Variants in ATP2C2 observed in about 807,000 individuals in gnomAD.
ATP2C2 encodes ATPase secretory pathway Ca2+ transporting 2, also known as calcium-transporting ATPase type 2C member 2.
ATP2C2 carries 171 observed loss-of-function variants against 110.8 expected under a neutral mutation model. The ratio of observed to expected loss-of-function variants is 1.54; its 90% CI spans 1.36 to 1.75. The LOEUF is 1.75. Among genes scored for constraint, ATP2C2 ranks in the 40% most tolerant of loss-of-function variants. The pLI is 0.00. For missense variants in ATP2C2, 1,963 were observed against 1,235.0 expected, an observed-to-expected ratio of 1.59 and a Z score of -8.84; for synonymous variants, 804 against 508.4, an observed-to-expected ratio of 1.58 and a Z score of -7.82.
At chr16:84,370,221 G>C (rs2151391430) in intron 1 of ATP2C2, among the ~76,000 whole-genome samples, 1 of 152,278 alleles carries the variant, frequency 6.6e-6, no homozygotes, top group Non-Finnish European at 1.5e-5. Context: ...CCAAAGCTTT[G>C]CAGGAGAGTT....
intron 6 of ATP2C2, chr16:84,410,966 C>A: frequency 1.7e-6 from 1 of 603,698 alleles, no homozygotes. Flanking sequence ...CTCTCTGGGC[C>A]TCAGCTCCAT....
At position 84,462,499 on chromosome 16, in the gene ATP2C2, C is replaced by T. The variant is rs138917075; in HGVS notation, c.2722+370C>T. The T allele has an allele frequency of 2.5e-3, 483 of 192,756 alleles. 2 individuals carry two copies. Among genetic ancestry groups the T allele is most frequent in the African/African-American group, 0.01 (453 of 43,354 alleles). 11.9% of individuals were successfully genotyped at this position (192,756 alleles called of 1,614,324 possible). On this transcript the variant is annotated intron_variant, in intron 26 of 26. Coordinates refer to ENST00000262429, the MANE Select transcript of ATP2C2 (RefSeq NM_014861.4). ...GGGGAGCCTGGACTTGACCCTGGGG[C>T]CAGTAATGTGACTTAGAGATCTGGT... is the stretch of plus-strand genomic sequence containing the variant.
chr16:84,391,356 G>C (rs1359690685), intron 1 of ATP2C2, among the ~76,000 whole-genome samples: 1 of 152,188 alleles, frequency 6.6e-6, no homozygotes, highest in Non-Finnish European at 1.5e-5. Context: ...CGCATCTTCT[G>C]TGGACGCACA....
intron 16 of ATP2C2, 62 bp from the exon 17 acceptor site, chr16:84,448,471 G>T (rs1247491131): frequency 6.5e-7 from 1 of 1,536,858 alleles, no homozygotes; most frequent in East Asian, 2.3e-5. Flanking sequence ...AGAGTGGGGT[G>T]ATGGTCAGTA....
intron 21 of ATP2C2, 128 bp downstream of exon 21, chr16:84,455,112 G>A (rs1215424762): frequency 3.2e-6 from 4 of 1,258,208 alleles, no homozygotes; most frequent in Non-Finnish European, 4.4e-6. Flanking sequence ...CTGAATCTCG[G>A]GGCTCGTCAG....
chr16:84,460,663 A>G lies in ATP2C2; in HGVS notation c.2343A>G (p.Val781=). ...MDGPPAQSLG[V]EPVDKDAFRQ... is the part of the protein sequence containing the mutation. ...GTCTTGTTCGGAGCAGCTTGGGGGT[A>G]GAGCCCGTTGACAAAGACGCCTTCA... The change falls in exon 24 of 27, where the codon GTA becomes GTG. Residue 781 remains valine (V), a synonymous_variant. Transcript: ENST00000262429. 3.1e-6 allele frequency: 5 copies of G among 1,614,238 alleles called. No individual in the cohort carries two copies. The highest frequency in any genetic ancestry group is 3.4e-6 in the Non-Finnish European group (4 of 1,180,036).
chr16:84,381,523 G>A (rs1235185664), intron 1 of ATP2C2, among the ~76,000 whole-genome samples: 4 of 152,058 alleles, frequency 2.6e-5, no homozygotes, highest in Admixed American at 2.6e-4. Flanking sequence ...GTTGCAGTGA[G>A]CCGAGATCAT....
At chr16:84,421,322 G>A (rs1455275040) in intron 7 of ATP2C2, among the ~76,000 whole-genome samples, 6 of 152,356 alleles carry the variant, frequency 3.9e-5, no homozygotes, top group Admixed American at 1.3e-4. Context: ...GTGGGGAGAC[G>A]GGCATTACCT....
intron 1 of ATP2C2, among the ~76,000 whole-genome samples, chr16:84,388,734 G>C (rs867148261): frequency 1.3e-5 from 2 of 152,052 alleles, no homozygotes. Context: ...CAATAATTAC[G>C]TGCCCTATAT....
At chr16:84,379,213 A>C (rs1910431355) in intron 1 of ATP2C2, among the ~76,000 whole-genome samples, 1 of 127,216 alleles carries the variant, frequency 7.9e-6, no homozygotes, top group African/African-American at 3.1e-5. Context: ...ATAGGGTCTT[A>C]CTCTGCCATC....
Position 84,389,974 on chromosome 16 carries a change from C to T in ATP2C2, c.100-8525C>T, listed in dbSNP as rs369358108. On this transcript the variant is annotated intron_variant, in intron 1 of 26. Coordinates refer to ENST00000262429, the MANE Select transcript of ATP2C2 (RefSeq NM_014861.4). Reference sequence around the variant, plus strand: ...CTGACCTCTAATGATCCACCCACCTCAGTCTCCCAAAGTGCTGGGATTACA... The same window carrying T: ...CTGACCTCTAATGATCCACCCACCTTAGTCTCCCAAAGTGCTGGGATTACA... Among the ~76,000 whole-genome samples the T allele has an allele frequency of 1.2e-4, 19 of 152,218 alleles. No individual in the cohort carries two copies. In the East Asian group the frequency reaches 3.7e-3, roughly 29 times the overall value.
chr16:84,398,475 A>G (rs1454195734), intron 1 of ATP2C2, 24 bp from the exon 2 acceptor site: 3 of 1,528,260 alleles, frequency 2.0e-6, no homozygotes, highest in Non-Finnish European at 2.7e-6. Flanking sequence ...AATCCGCTAA[A>G]CAGCAACCCT....
intron 2 of ATP2C2, among the ~76,000 whole-genome samples, chr16:84,401,176 C>G (rs73243724): frequency 0.027 from 4,071 of 149,800 alleles, 135 homozygotes; most frequent in African/African-American, 0.08. Flanking sequence ...CCCCGATGTT[C>G]TCTTGATAGT....
chr16:84,444,703 A>G (rs1010687676), intron 15 of ATP2C2, among the ~76,000 whole-genome samples: 1 of 152,200 alleles, frequency 6.6e-6, no homozygotes, highest in African/African-American at 2.4e-5. Flanking sequence ...CCGTCCCTGC[A>G]GCCTAGAGAG....
chr16:84,424,148 G>A (rs961246824), intron 10 of ATP2C2, among the ~76,000 whole-genome samples: 3 of 152,238 alleles, frequency 2.0e-5, no homozygotes, highest in Non-Finnish European at 4.4e-5. Flanking sequence ...GGGGGTGCTG[G>A]TGAGTGTAGC....
rs140832196 is a variant in ATP2C2, at chr16:84,411,646, T to C, written c.515+881T>C. 3.6e-3 allele frequency among the ~76,000 whole-genome samples: 543 copies of C among 152,332 alleles called. 9 individuals are homozygous for C. The highest frequency in any genetic ancestry group is 0.013 in the African/African-American group (522 of 41,582). On this transcript the variant is annotated intron_variant, in intron 6 of 26. Coordinates refer to ENST00000262429, the MANE Select transcript of ATP2C2 (RefSeq NM_014861.4). ...TAGTAGAGGTGGGGTTTCGCCACGT[T>C]GGCTAGGCTCGTCTCGACCTCCTGA...
chr16:84,400,382 G>A lies in ATP2C2; in HGVS notation c.210+1773G>A, dbSNP rs556113725. 2.5e-3 allele frequency among the ~76,000 whole-genome samples: 369 copies of A among 150,302 alleles called. 2 individuals are homozygous for A. Among genetic ancestry groups the A allele is most frequent in the Non-Finnish European group, 2.3e-3 (154 of 67,776 alleles). On this transcript the variant is annotated intron_variant, in intron 2 of 26. Transcript: ENST00000262429. ...CACTCTGTCACCCAAGCTGGAGTGC[G>A]GTGGCGCGATCTCTGCTCACTGCAA...
chr16:84,412,342 G>T, intron 6 of ATP2C2, among the ~76,000 whole-genome samples: 1 of 113,110 alleles, frequency 8.8e-6, no homozygotes, highest in Admixed American at 8.4e-5. Flanking sequence ...GTCTGTATGC[G>T]TGTGTCTGCG....
intron 7 of ATP2C2, among the ~76,000 whole-genome samples, chr16:84,415,975 C>T (rs977276770): frequency 2.0e-5 from 3 of 152,114 alleles, no homozygotes; most frequent in Admixed American, 2.0e-4. Flanking sequence ...GTCAGGAGTT[C>T]AAGACCACCC....
Sources: gnomAD v4.1 joint callset for allele counts (sites outside exome capture counted in the v4.1 genomes callset) on GRCh38, gnomAD v4.1.1 for gene constraint, MANE v1.5 for transcripts, NCBI Gene and HGNC (gene_info 2026-07-23, HGNC 2026-07-21) for gene names.